Variants in BTNL9 observed in about 807,000 individuals in gnomAD.
The protein encoded by BTNL9 is butyrophilin-like protein 9.
BTNL9 carries 45 observed loss-of-function variants against 45.8 expected under a neutral mutation model. The ratio of observed to expected loss-of-function variants is 0.98; its 90% CI spans 0.77 to 1.26. BTNL9 has a LOEUF of 1.26. BTNL9 is among the 50% of genes most tolerant of loss of function. BTNL9 has a pLI of 0.00. For missense variants in BTNL9, 784 were observed against 729.7 expected (o/e 1.07, Z -0.86); for synonymous variants, 346 against 330.8 (o/e 1.05, Z -0.50).
chr5:181,053,867 A>C lies in BTNL9; in HGVS notation c.886+366A>C. ...CGCACAGGGAGTCGGGCGGATGCGC[A>C]ACATCTCCGCACAGGGTCAGGAAGC... On this transcript the variant is annotated intron_variant, in intron 6 of 10. Transcript: ENST00000327705. The surrounding 1 kb of genome is among the most constrained non-coding windows in gnomAD (Gnocchi z 6.5). The C allele has an allele frequency of 1.3e-6, 2 of 1,504,908 alleles. No homozygotes were observed. Among genetic ancestry groups the C allele is most frequent in the Non-Finnish European group, 1.8e-6 (2 of 1,127,140 alleles). 93.2% of individuals were successfully genotyped at this position (1,504,908 alleles called of 1,614,324 possible).
rs1011434956 is a variant in BTNL9, at chr5:181,059,330, C to T, written c.1076C>T (p.Pro359Leu). Residue 359 changes from proline (P) to leucine (L), a missense_variant, in exon 11 of 11, where the codon CCG (proline) becomes CTG (leucine). By Grantham distance (98) the Pro-to-Leu change is moderately conservative (BLOSUM62 -3). Transcript: ENST00000327705. ...TCTTCCCGCGGGGCGCCGCCAGGCC[C>T]GGCGCCTGGCCACCCGCAGCGGTTC... ...SVSSRGAPPG[P>L]APGHPQRFSE... 1.3e-6 allele frequency: 2 copies of T among 1,548,966 alleles called. No individual in the cohort carries two copies. Among genetic ancestry groups the T allele is most frequent in the Non-Finnish European group, 1.7e-6 (2 of 1,151,282 alleles).
intron 1 of BTNL9, among the ~76,000 whole-genome samples, chr5:181,044,450 G>A (rs1760978925): frequency 6.6e-6 from 1 of 152,194 alleles, no homozygotes; most frequent in Non-Finnish European, 1.5e-5. Flanking sequence ...AAGGGGTGCA[G>A]TCCCAGGACG....
chr5:181,057,282 A>C (rs1375294468), intron 9 of BTNL9: 5 of 152,224 alleles, frequency 3.3e-5, no homozygotes, highest in Non-Finnish European at 1.5e-5. Flanking sequence ...TGTAACTACA[A>C]AAACCTTTCA....
At chr5:181,056,729 C>T (rs945601601) in intron 9 of BTNL9, 5 of 634,348 alleles carry the variant, frequency 7.9e-6, no homozygotes, top group Non-Finnish European at 1.5e-5. Context: ...AGTGGGATCC[C>T]AGGAAGGCAG....
chr5:181,045,424 C>A, intron 1 of BTNL9, 43 bp from the exon 2 acceptor site: 1 of 1,054,378 alleles, frequency 9.5e-7, no homozygotes, highest in Non-Finnish European at 1.5e-6. Context: ...CCAGCTCCCC[C>A]TACCTTTGCA....
At chr5:181,040,691 G>A (rs1025085412) in intron 1 of BTNL9, among the ~76,000 whole-genome samples, 4 of 152,202 alleles carry the variant, frequency 2.6e-5, no homozygotes, top group Non-Finnish European at 4.4e-5. Context: ...GCCTCATTGC[G>A]GTTCCCTTCT....
chr5:181,047,445 C>CA (rs957627728), intron 2 of BTNL9: 4 of 975,754 alleles, frequency 4.1e-6, no homozygotes, highest in Non-Finnish European at 4.9e-6. Context: ...ATCAGACAAG[C>CA]AAAAATGAGA....
Position 181,042,535 on chromosome 5 carries a change from A to G in BTNL9, c.-24+2103A>G, listed in dbSNP as rs1760829477. ...AGAAAGGGCGGACGCACAGCAGCAAACGGGGAGGAGGGTGCTGTCCAGGAG... is the reference window on the plus strand; with the variant it reads ...AGAAAGGGCGGACGCACAGCAGCAAGCGGGGAGGAGGGTGCTGTCCAGGAG... On this transcript the variant is annotated intron_variant, in intron 1 of 10. Transcript: ENST00000327705. The surrounding 1 kb of genome is among the most constrained non-coding windows in gnomAD (Gnocchi z 4.5). Among the ~76,000 whole-genome samples the G allele has an allele frequency of 6.6e-6, 1 of 152,104 alleles. No individual in the cohort carries two copies. Among genetic ancestry groups the G allele is most frequent in the South Asian group, 2.1e-4 (1 of 4,814 alleles).
chr5:181,048,643 T>C (rs546792007), intron 3 of BTNL9, among the ~76,000 whole-genome samples: 2 of 149,908 alleles, frequency 1.3e-5, no homozygotes, highest in South Asian at 4.2e-4. Context: ...GGGGGTGAGG[T>C]GGAAGGATCT....
Position 181,053,053 on chromosome 5 carries a change from C to G in BTNL9, c.737-147C>G. 1 of 487,930 alleles carries G rather than the reference C, an allele frequency of 2.0e-6. No homozygotes were observed. Among genetic ancestry groups the G allele is most frequent in the Non-Finnish European group, 3.2e-6 (1 of 311,956 alleles). The allele number at this position is 487,930 out of a possible 1,614,324, so 30.2% of individuals were successfully genotyped here. On this transcript the variant is annotated intron_variant, in intron 4 of 10. Transcript: ENST00000327705. This position sits in a 1 kb window ranked among gnomAD's most constrained non-coding sequence, Gnocchi z 6.5. Reference sequence around the variant, plus strand: ...CCCGCCCCCTCCGCCGCGCGCGCTCCCGCTCCACGCCCGTTTCCCAGGCGG... The same window carrying G: ...CCCGCCCCCTCCGCCGCGCGCGCTCGCGCTCCACGCCCGTTTCCCAGGCGG...
intron 2 of BTNL9, among the ~76,000 whole-genome samples, chr5:181,046,684 AGAGAGAGAGAGAGC>A (rs1333857047): frequency 6.6e-6 from 1 of 150,628 alleles, no homozygotes; most frequent in African/African-American, 2.4e-5. Flanking sequence ...AGAGAGAGCG[AGAGAGAGAGAGAGC>A]GAGAGAGAGA....
chr5:181,061,429 A>G lies in BTNL9; in HGVS notation c.*1567A>G, dbSNP rs544997916. ...TCTTTGGATGGGAAAATGTTTGGTAATTGCATTCTTAAAATGTCTTCTTTG... is the reference window on the plus strand; with the variant it reads ...TCTTTGGATGGGAAAATGTTTGGTAGTTGCATTCTTAAAATGTCTTCTTTG... On this transcript the variant is annotated 3_prime_UTR_variant, in exon 11 of 11. Coordinates refer to ENST00000327705, the MANE Select transcript of BTNL9 (RefSeq NM_152547.5). 6.6e-6 allele frequency: 1 copy of G among 152,252 alleles called. No individual in the cohort carries two copies. Among genetic ancestry groups the G allele is most frequent in the Non-Finnish European group, 1.5e-5 (1 of 68,040 alleles). 9.4% of individuals were successfully genotyped at this position (152,252 alleles called of 1,614,324 possible).
chr5:181,053,675 C>G lies in BTNL9; in HGVS notation c.886+174C>G. On this transcript the variant is annotated intron_variant, in intron 6 of 10. Transcript: ENST00000327705. This position sits in a 1 kb window ranked among gnomAD's most constrained non-coding sequence, Gnocchi z 6.5. Reference sequence around the variant, plus strand: ...GAAGGGGGAAGATCGTTCATATGGACAAAAGCGGAGGTGCGGAACGGCTGC... The same window carrying G: ...GAAGGGGGAAGATCGTTCATATGGAGAAAAGCGGAGGTGCGGAACGGCTGC... 2 of 1,522,700 alleles carry G rather than the reference C, an allele frequency of 1.3e-6. No homozygotes were observed. Among genetic ancestry groups the G allele is most frequent in the Non-Finnish European group, 1.8e-6 (2 of 1,132,038 alleles). 94.3% of individuals were successfully genotyped at this position (1,522,700 alleles called of 1,614,324 possible).
rs908439538 is a variant in BTNL9, at chr5:181,060,529, C to T, written c.*667C>T. Reference sequence around the variant, plus strand: ...ATTTGAACATCAGGATGAATAATGACAGGAGAGATTATAACACACTGAATA... The same window carrying T: ...ATTTGAACATCAGGATGAATAATGATAGGAGAGATTATAACACACTGAATA... On this transcript the variant is annotated 3_prime_UTR_variant, in exon 11 of 11. Coordinates refer to ENST00000327705, the MANE Select transcript of BTNL9 (RefSeq NM_152547.5). 2.6e-5 allele frequency: 4 copies of T among 152,138 alleles called. No homozygotes were observed. Among genetic ancestry groups the T allele is most frequent in the African/African-American group, 9.7e-5 (4 of 41,420 alleles). 9.4% of individuals were successfully genotyped at this position (152,138 alleles called of 1,614,324 possible). A position where few individuals can be genotyped will look rare whatever the true frequency, so the allele number is the denominator to read the frequency against.
chr5:181,049,284 T>A lies in BTNL9; in HGVS notation c.455-804T>A, dbSNP rs1761404984. The stretch of plus-strand genomic sequence containing the variant: ...TGAGTTTAATCTTTGTAAAGCTTTT[T>A]AAAAACAATTGCAAAATAGTGGAAA... On this transcript the variant is annotated intron_variant, in intron 3 of 10. Transcript: ENST00000327705. Among the ~76,000 whole-genome samples, 5 of 152,150 alleles carry A rather than the reference T, an allele frequency of 3.3e-5. No homozygotes were observed. In the South Asian group the frequency reaches 1.0e-3, roughly 31 times the overall value.
At position 181,051,912 on chromosome 5, in the gene BTNL9, G is replaced by T. The variant is rs111770936; in HGVS notation, c.737-1288G>T. On this transcript the variant is annotated intron_variant, in intron 4 of 10. Coordinates refer to ENST00000327705, the MANE Select transcript of BTNL9 (RefSeq NM_152547.5). ...ATGCGCGGACCCCTCTACAGAGGGC[G>T]TGACTCACATGGATACCTTTGGGAA... Among the ~76,000 whole-genome samples the T allele has an allele frequency of 3.8e-3, 574 of 152,274 alleles. 1 individual carries two copies. The highest frequency in any genetic ancestry group is 0.013 in the African/African-American group (551 of 41,550).
chr5:181,053,605 T>C lies in BTNL9; in HGVS notation c.886+104T>C. The C allele has an allele frequency of 6.5e-7, 1 of 1,545,274 alleles. No individual in the cohort carries two copies. Among genetic ancestry groups the C allele is most frequent in the South Asian group, 1.2e-5 (1 of 83,700 alleles). ...TACGAGGGTTTATTCCAGCGCGAGGTGTCAGGGCGGCCACCGGGGAACGGG... is the reference window on the plus strand; with the variant it reads ...TACGAGGGTTTATTCCAGCGCGAGGCGTCAGGGCGGCCACCGGGGAACGGG... On this transcript the variant is annotated intron_variant, in intron 6 of 10. Transcript: ENST00000327705. This position sits in a 1 kb window ranked among gnomAD's most constrained non-coding sequence, Gnocchi z 6.5.
chr5:181,051,010 C>CG (rs1054052503), intron 4 of BTNL9, among the ~76,000 whole-genome samples: 2 of 144,542 alleles, frequency 1.4e-5, no homozygotes, highest in African/African-American at 2.6e-5. Context: ...TCGCTTGAAC[C>CG]GGGGGGCAGA....
chr5:181,055,103 G>C lies in BTNL9; in HGVS notation c.908-330G>C, dbSNP rs865912575. 3 of 1,133,382 alleles carry C rather than the reference G, an allele frequency of 2.6e-6. 1 individual carries two copies. The South Asian group carries it at 1.1e-4, about 40-fold the overall frequency. The allele number at this position is 1,133,382 out of a possible 1,614,324, so 70.2% of individuals were successfully genotyped here. A position where few individuals can be genotyped will look rare whatever the true frequency, so the allele number is the denominator to read the frequency against. On this transcript the variant is annotated intron_variant, in intron 7 of 10. Transcript: ENST00000327705. This position sits in a 1 kb window ranked among gnomAD's most constrained non-coding sequence, Gnocchi z 4.4. ...CGGCCCTCAGTGCCTGCACTTAGGC[G>C]GGAGCTCCGCCCCAGGAAGCTTGTG...
Sources: allele counts gnomAD v4.1 joint callset (sites outside exome capture counted in the v4.1 genomes callset), GRCh38; gene constraint gnomAD v4.1.1; non-coding constraint Gnocchi (gnomAD v3.1); transcripts MANE v1.5; gene names NCBI Gene and HGNC (gene_info 2026-07-23, HGNC 2026-07-21).